Variants in MECOM observed in about 807,000 individuals in gnomAD.
MECOM encodes MDS1 and EVI1 complex locus, also known as histone-lysine N-methyltransferase MECOM.
In MECOM, 13 loss-of-function variants were observed where a neutral mutation model predicts 116.3. The ratio of observed to expected loss-of-function variants is 0.11; its 90% confidence interval spans 0.07 to 0.18. The LOEUF is 0.18. Ranked by LOEUF, MECOM falls within the 10% of genes least tolerant of loss-of-function variation. The pLI, the probability that MECOM is intolerant of heterozygous loss-of-function variation, is 1.00. For synonymous variants in MECOM, 528 were observed against 535.2 expected, an observed-to-expected ratio of 0.99 and a Z score of 0.19; for missense variants, 1,299 against 1,509.0, an observed-to-expected ratio of 0.86 and a Z score of 2.31.
At chr3:169,237,977 C>T (rs1288016299) in intron 2 of MECOM, among the ~76,000 whole-genome samples, 3 of 151,902 alleles carry the variant, frequency 2.0e-5, no homozygotes, top group South Asian at 4.1e-4. Flanking sequence ...GAGTTCAAGA[C>T]CAGCCTGGCC....
chr3:169,308,109 C>A (rs761052926), intron 2 of MECOM, among the ~76,000 whole-genome samples: 45 of 152,304 alleles, frequency 3.0e-4, no homozygotes, highest in Middle Eastern at 3.4e-3. Context: ...ACTTATTTAG[C>A]AAACTGATTA....
intron 15 of MECOM, among the ~76,000 whole-genome samples, chr3:169,089,685 C>T (rs1719024153): frequency 1.3e-5 from 2 of 152,034 alleles, no homozygotes; most frequent in South Asian, 4.1e-4. Flanking sequence ...TAGATAACGT[C>T]AAAATCTCTA....
At chr3:169,403,853 G>A (rs1736252728) in intron 1 of MECOM, among the ~76,000 whole-genome samples, 1 of 152,084 alleles carries the variant, frequency 6.6e-6, no homozygotes, top group Non-Finnish European at 1.5e-5. Flanking sequence ...AACATAAAAA[G>A]ACAAATTTTA....
At chr3:169,574,447 T>C (rs1262079087) in intron 1 of MECOM, among the ~76,000 whole-genome samples, 1 of 152,232 alleles carries the variant, frequency 6.6e-6, no homozygotes, top group Non-Finnish European at 1.5e-5. Context: ...ATGAGTTTTG[T>C]ATGACCCATC....
At chr3:169,375,945 A>G (rs1481295476) in intron 2 of MECOM, among the ~76,000 whole-genome samples, 1 of 152,184 alleles carries the variant, frequency 6.6e-6, no homozygotes, top group Non-Finnish European at 1.5e-5. Context: ...ATACCGGCAA[A>G]TTGAATCCAG....
chr3:169,603,856 T>C (rs1416276875), intron 1 of MECOM, among the ~76,000 whole-genome samples: 2 of 152,216 alleles, frequency 1.3e-5, no homozygotes, highest in Admixed American at 6.5e-5. Context: ...ACCCCTGTCA[T>C]AACTATGCAT....
intron 1 of MECOM, among the ~76,000 whole-genome samples, chr3:169,433,757 G>T (rs1742167024): frequency 1.3e-5 from 2 of 152,154 alleles, no homozygotes; most frequent in African/African-American, 4.8e-5. Flanking sequence ...TTTAACCTTT[G>T]TGAAAAATCA....
At chr3:169,210,952 A>G (rs923301458) in intron 2 of MECOM, among the ~76,000 whole-genome samples, 1 of 152,182 alleles carries the variant, frequency 6.6e-6, no homozygotes, top group Non-Finnish European at 1.5e-5. Context: ...TGAGTGGCAT[A>G]TATCAGTATT....
intron 2 of MECOM, among the ~76,000 whole-genome samples, chr3:169,310,015 C>T (rs544719598): frequency 6.6e-6 from 1 of 152,318 alleles, no homozygotes; most frequent in South Asian, 2.1e-4. Flanking sequence ...CAAGTGTGGC[C>T]TTGGACCCTT....
At chr3:169,349,566 T>G (rs1725949642) in intron 2 of MECOM, among the ~76,000 whole-genome samples, 1 of 151,916 alleles carries the variant, frequency 6.6e-6, no homozygotes, top group Admixed American at 6.6e-5. Flanking sequence ...ATCATATGAC[T>G]CAAATTGCCC....
intron 1 of MECOM, among the ~76,000 whole-genome samples, chr3:169,571,298 C>T (rs886440421): frequency 2.0e-5 from 3 of 151,950 alleles, no homozygotes; most frequent in Non-Finnish European, 4.4e-5. Context: ...TGTGAAGGAC[C>T]TCTTCAAGGA....
At chr3:169,408,350 C>G (rs1737022581) in intron 1 of MECOM, among the ~76,000 whole-genome samples, 1 of 152,164 alleles carries the variant, frequency 6.6e-6, no homozygotes, top group South Asian at 2.1e-4. Context: ...ACATGATAGG[C>G]AGGATAATCA....
At chr3:169,454,053 A>G (rs1746054060) in intron 1 of MECOM, among the ~76,000 whole-genome samples, 1 of 152,090 alleles carries the variant, frequency 6.6e-6, no homozygotes. Context: ...TCCATCACCC[A>G]TTTCGATTCT....
At chr3:169,379,017 A>T (rs1245286771) in intron 2 of MECOM, among the ~76,000 whole-genome samples, 1 of 151,954 alleles carries the variant, frequency 6.6e-6, no homozygotes, top group African/African-American at 2.4e-5. Flanking sequence ...CTAACTAAAT[A>T]GGAGGAAAAC....
Position 169,090,136 on chromosome 3 carries a change from C to A in MECOM, c.3265G>T (p.Glu1089Ter). ...GTAATATCATTGTCTTCATCCTCCTCATCTAACAACACCTCATCTTCAACT... is the reference window on the plus strand; with the variant it reads ...GTAATATCATTGTCTTCATCCTCCTAATCTAACAACACCTCATCTTCAACT... ...EEVEDEVLLDEEDEDNDITGK... is the reference protein window; with the variant it reads ...EEVEDEVLLD Residue 1089 changes from glutamate (E) to a stop codon, truncating the protein, a stop_gained, in exon 15 of 17, where the codon GAG becomes TAG. Coordinates refer to ENST00000651503, the MANE Select transcript of MECOM (RefSeq NM_004991.4). LOFTEE classifies it high-confidence loss of function. 6.2e-7 allele frequency: 1 copy of A among 1,613,342 alleles called. No homozygotes were observed. The highest frequency in any genetic ancestry group is 2.2e-5 in the East Asian group (1 of 44,856).
intron 10 of MECOM, among the ~76,000 whole-genome samples, chr3:169,103,414 ATCCTGTTAAATCAAC>A (rs1724261821): frequency 6.6e-6 from 1 of 152,138 alleles, no homozygotes; most frequent in Non-Finnish European, 1.5e-5. Flanking sequence ...CTTTCAGGCC[ATCCTGTTAAATCAAC>A]TCACCCATTA....
intron 1 of MECOM, among the ~76,000 whole-genome samples, chr3:169,550,085 G>A (rs888975338): frequency 1.3e-5 from 2 of 152,082 alleles, no homozygotes; most frequent in African/African-American, 4.8e-5. Context: ...AAGGGGATTT[G>A]AAGGATGAGG....
rs1333797649 is a variant in MECOM, at chr3:169,378,501, GA to G, written c.375+2685del. The stretch of plus-strand genomic sequence containing the variant: ...AGAAAGAGAGAGAGAAAGAAAGAAA[GA>G]AAGAAAGAAAGAAAAGAAAGAAAGA... On this transcript the variant is annotated intron_variant, in intron 2 of 16. Coordinates refer to ENST00000651503, the MANE Select transcript of MECOM (RefSeq NM_004991.4). 3.4e-3 allele frequency among the ~76,000 whole-genome samples: 95 copies of G among 27,662 alleles called. 16 individuals are homozygous for G. Among genetic ancestry groups the G allele is most frequent in the African/African-American group, 4.5e-3 (14 of 3,084 alleles). The allele number at this position is 27,662 out of a possible 152,430, so 18.1% of individuals were successfully genotyped here.
At chr3:169,324,478 A>G (rs1721496749) in intron 2 of MECOM, among the ~76,000 whole-genome samples, 1 of 152,236 alleles carries the variant, frequency 6.6e-6, no homozygotes, top group Non-Finnish European at 1.5e-5. Flanking sequence ...AGGTCTTGAA[A>G]TATTTTTATA....
Sources: gnomAD v4.1 joint callset for allele counts (sites outside exome capture counted in the v4.1 genomes callset) on GRCh38, gnomAD v4.1.1 for gene constraint, MANE v1.5 for transcripts, NCBI Gene and HGNC (gene_info 2026-07-23, HGNC 2026-07-21) for gene names.